The following SPHKAP variants were observed in gnomAD, a reference collection of about 807,000 sequenced individuals.
The protein encoded by SPHKAP is A-kinase anchor protein SPHKAP.
SPHKAP carries 67 observed loss-of-function variants against 137.5 expected under a neutral mutation model. The ratio of observed to expected loss-of-function variants is 0.49; its 90% CI spans 0.40 to 0.60. The LOEUF (loss-of-function observed/expected upper bound fraction) is 0.60, where lower values mean the gene tolerates loss of function less well. Among genes scored for constraint, SPHKAP ranks in the 20% least tolerant of loss-of-function variants. The pLI is 0.00. For missense variants in SPHKAP, 2,097 were observed against 2,069.3 expected (o/e 1.01, Z -0.26); for synonymous variants, 813 against 785.3 (o/e 1.04, Z -0.59).
At chr2:228,099,535 T>A (rs1698116766) in intron 3 of SPHKAP, among the ~76,000 whole-genome samples, 1 of 152,134 alleles carries the variant, frequency 6.6e-6, no homozygotes, top group African/African-American at 2.4e-5. Context: ...ATTAATTTTA[T>A]AATAGTTTTT....
intron 3 of SPHKAP, among the ~76,000 whole-genome samples, chr2:228,059,036 T>C (rs1333203940): frequency 6.6e-6 from 1 of 152,248 alleles, no homozygotes; most frequent in Non-Finnish European, 1.5e-5. Context: ...ATAAGTGCGA[T>C]TGTACGGCAT....
rs1304676408 is a variant in SPHKAP at position 228,016,445 on chromosome 2, C to T, written c.4409G>A (p.Arg1470Lys). 8 of 1,610,350 alleles carry T rather than the reference C, an allele frequency of 5.0e-6. No individual in the cohort carries two copies. The highest frequency in any genetic ancestry group is 4.4e-5 in the South Asian group (4 of 90,576). The change falls in exon 7 of 12, where the codon AGA becomes AAA. Residue 1470 changes from arginine to lysine, a missense_variant. By Grantham distance (26) the Arg-to-Lys change is conservative. Coordinates refer to ENST00000392056, the MANE Select transcript of SPHKAP (RefSeq NM_001142644.2). ...SNDKNIPDVVRGGDTAVSACQ... is the reference protein window; with the variant it reads ...SNDKNIPDVVKGGDTAVSACQ... ...AGCGCTCACGGCTGTGTCTCCACCT[C>T]TCACCACATCTGGGATGTTTTTGTC...
intron 2 of SPHKAP, among the ~76,000 whole-genome samples, chr2:228,112,777 A>C (rs1698558408): frequency 2.0e-5 from 3 of 152,184 alleles, no homozygotes; most frequent in African/African-American, 7.2e-5. Context: ...TCCTCAGCAG[A>C]TATTTTAAAG....
intron 3 of SPHKAP, among the ~76,000 whole-genome samples, chr2:228,078,516 G>A (rs1328814024): frequency 6.6e-6 from 1 of 151,712 alleles, no homozygotes; most frequent in Non-Finnish European, 1.5e-5. Context: ...AATTAGTGGT[G>A]TGACTGTATC....
chr2:228,107,178 A>C (rs946245706), intron 3 of SPHKAP, among the ~76,000 whole-genome samples: 1 of 152,056 alleles, frequency 6.6e-6, no homozygotes, highest in Non-Finnish European at 1.5e-5. Context: ...TAGACCTCTT[A>C]AACTTATCCC....
intron 3 of SPHKAP, among the ~76,000 whole-genome samples, chr2:228,078,963 T>G (rs928155343): frequency 6.6e-5 from 10 of 152,262 alleles, no homozygotes; most frequent in African/African-American, 2.4e-4. Context: ...GCCCCAGGCT[T>G]TAGGCCTATG....
rs557468327 is a variant in SPHKAP at position 228,170,024 on chromosome 2, T to G, written c.32+11543A>C. ...TCAACATTAATGAGAGTCTGGAAGA[T>G]GTTGATTTCAACTTTCATGGATGAC... On this transcript the variant is annotated intron_variant, in intron 1 of 11. Coordinates refer to ENST00000392056, the MANE Select transcript of SPHKAP (RefSeq NM_001142644.2). Among the ~76,000 whole-genome samples, 225 of 152,082 alleles carry G rather than the reference T, an allele frequency of 1.5e-3. 3 individuals carry two copies. Among genetic ancestry groups the G allele is most frequent in the African/African-American group, 5.3e-3 (219 of 41,510 alleles).
chr2:228,070,492 A>G (rs1255589526), intron 3 of SPHKAP, among the ~76,000 whole-genome samples: 2 of 151,904 alleles, frequency 1.3e-5, no homozygotes, highest in South Asian at 2.1e-4. Flanking sequence ...CTTCTTCCAC[A>G]GTCTGTCTTA....
chr2:228,033,489 G>T (rs35760113), intron 3 of SPHKAP, among the ~76,000 whole-genome samples: 6,671 of 152,114 alleles, frequency 0.044, 234 homozygotes, highest in Non-Finnish European at 0.059. Flanking sequence ...AAGTTAACAA[G>T]GATACCCAGG....
chr2:228,042,915 T>C (rs1403420674), intron 3 of SPHKAP, among the ~76,000 whole-genome samples: 3 of 152,200 alleles, frequency 2.0e-5, no homozygotes, highest in African/African-American at 7.2e-5. Context: ...ACTTAATGGA[T>C]ATAAATGGGT....
intron 3 of SPHKAP, among the ~76,000 whole-genome samples, chr2:228,104,156 T>A (rs1256530073): frequency 6.7e-6 from 1 of 149,304 alleles, no homozygotes; most frequent in African/African-American, 2.4e-5. Flanking sequence ...CTATCTGCAC[T>A]AGGTAATTTA....
chr2:228,117,195 G>T (rs886597856), intron 2 of SPHKAP, among the ~76,000 whole-genome samples: 5 of 152,228 alleles, frequency 3.3e-5, no homozygotes, highest in Admixed American at 6.5e-5. Context: ...GCTGCTTGCT[G>T]TTAGACATCA....
Position 228,096,665 on chromosome 2 carries a change from TGTC to T in SPHKAP, c.246+12164_246+12166del, listed in dbSNP as rs1697994380. The stretch of plus-strand genomic sequence containing the variant: ...GTGTGTGTGTGTGTGTGTGTGTGTG[TGTC>T]TGCGTGTGTGTCCACTAACATTACA... On this transcript the variant is annotated intron_variant, in intron 3 of 11. Coordinates refer to ENST00000392056, the MANE Select transcript of SPHKAP (RefSeq NM_001142644.2). 1.2e-4 allele frequency among the ~76,000 whole-genome samples: 17 copies of T among 145,802 alleles called. No homozygotes were observed. In the East Asian group the frequency reaches 3.4e-3, roughly 30 times the overall value.
intron 3 of SPHKAP, among the ~76,000 whole-genome samples, chr2:228,033,619 A>G (rs1345137401): frequency 7.9e-5 from 12 of 152,228 alleles, no homozygotes; most frequent in African/African-American, 2.9e-4. Flanking sequence ...AATTGACCAT[A>G]TAGTTGGAAG....
chr2:228,105,838 CTG>C (rs1321013906), intron 3 of SPHKAP, among the ~76,000 whole-genome samples: 1 of 152,148 alleles, frequency 6.6e-6, no homozygotes, highest in African/African-American at 2.4e-5. Context: ...CCACGTGGAA[CTG>C]TGAGTTCATT....
intron 3 of SPHKAP, among the ~76,000 whole-genome samples, chr2:228,042,306 G>A (rs1010586289): frequency 1.3e-5 from 2 of 152,054 alleles, no homozygotes; most frequent in African/African-American, 4.8e-5. Context: ...AAAATCTCGG[G>A]TTGGGGCCTG....
intron 2 of SPHKAP, among the ~76,000 whole-genome samples, chr2:228,113,050 TA>T (rs1396210829): frequency 1.3e-5 from 2 of 152,188 alleles, no homozygotes; most frequent in African/African-American, 2.4e-5. Flanking sequence ...TTGCCGTGCT[TA>T]AGAAGAAATG....
chr2:228,142,458 C>T lies in SPHKAP; in HGVS notation c.33-10373G>A, dbSNP rs147869673. On this transcript the variant is annotated intron_variant, in intron 1 of 11. Coordinates refer to ENST00000392056, the MANE Select transcript of SPHKAP (RefSeq NM_001142644.2). ...GTGCACTCCAGCCTGGGTGACAGAG[C>T]GAGACTCCATCTCAAAAAAAAAAAA... Among the ~76,000 whole-genome samples, 1,198 of 148,532 alleles carry T rather than the reference C, an allele frequency of 8.1e-3. 12 individuals carry two copies. The highest frequency in any genetic ancestry group is 0.028 in the African/African-American group (1,118 of 40,042).
At chr2:228,119,627 T>G (rs2106361357) in intron 2 of SPHKAP, among the ~76,000 whole-genome samples, 1 of 152,186 alleles carries the variant, frequency 6.6e-6, no homozygotes, top group South Asian at 2.1e-4. Context: ...TATAAATACT[T>G]TTCCATTATT....
Sources: gnomAD v4.1 joint callset for allele counts (sites outside exome capture counted in the v4.1 genomes callset) on GRCh38, gnomAD v4.1.1 for gene constraint, MANE v1.5 for transcripts, NCBI Gene and HGNC (gene_info 2026-07-23, HGNC 2026-07-21) for gene names.